HMBOX1: variants seen among roughly 807,000 people sequenced by gnomAD.
HMBOX1 encodes the protein homeobox containing 1.
Under a neutral mutation model 54.5 loss-of-function variants are expected in HMBOX1, and 14 were observed. That is an observed-to-expected ratio of 0.26 (90% CI 0.17 to 0.40). The LOEUF (loss-of-function observed/expected upper bound fraction) is 0.40. Ranked by LOEUF, HMBOX1 falls within the 10% of genes least tolerant of loss-of-function variation. HMBOX1 has a pLI of 1.00. For synonymous variants in HMBOX1, 160 were observed against 181.0 expected (o/e 0.88, Z 0.93); for missense variants, 332 against 514.4 (o/e 0.65, Z 3.43).
At chr8:28,918,658 A>G (rs890338740) in intron 1 of HMBOX1, among the ~76,000 whole-genome samples, 2 of 152,198 alleles carry the variant, frequency 1.3e-5, no homozygotes, top group South Asian at 2.1e-4. Context: ...TCAAAAAATC[A>G]TAACTCGTGA....
At chr8:28,900,115 A>G (rs6558084) in intron 1 of HMBOX1, among the ~76,000 whole-genome samples, 98,714 of 150,498 alleles carry the variant, frequency 0.66, 32,557 homozygotes, top group East Asian at 0.75. Flanking sequence ...GCTGGGCATC[A>G]TGGCGCGCCT....
chr8:29,030,446 C>T (rs911018839), intron 6 of HMBOX1, among the ~76,000 whole-genome samples: 3 of 152,056 alleles, frequency 2.0e-5, no homozygotes, highest in Non-Finnish European at 4.4e-5. Context: ...CTTGAACTCC[C>T]AACCTCAGGT....
chr8:29,010,265 A>G (rs1834052268), intron 5 of HMBOX1: 1 of 554,334 alleles, frequency 1.8e-6, no homozygotes, highest in African/African-American at 2.0e-5. Context: ...AGATATAATA[A>G]TTATTACCAT....
chr8:29,012,375 C>T (rs1834335683), intron 5 of HMBOX1, among the ~76,000 whole-genome samples: 1 of 152,130 alleles, frequency 6.6e-6, no homozygotes. Context: ...CAGTTGAGAA[C>T]TGGTTAAATA....
At chr8:29,041,181 T>TA (rs1255695843) in intron 6 of HMBOX1, among the ~76,000 whole-genome samples, 2 of 152,218 alleles carry the variant, frequency 1.3e-5, no homozygotes, top group African/African-American at 4.8e-5. Flanking sequence ...TCATTTTTTT[T>TA]AAAATTTTTT....
At chr8:29,004,568 AG>A (rs1281242880) in intron 4 of HMBOX1, among the ~76,000 whole-genome samples, 1 of 152,222 alleles carries the variant, frequency 6.6e-6, no homozygotes, top group African/African-American at 2.4e-5. Context: ...AATGTGAATG[AG>A]GCTGGAAAGG....
intron 4 of HMBOX1, among the ~76,000 whole-genome samples, chr8:28,999,304 A>T (rs1291053710): frequency 6.6e-6 from 1 of 152,074 alleles, no homozygotes; most frequent in Non-Finnish European, 1.5e-5. Flanking sequence ...TTCTCTCTTG[A>T]CACTTCAAGA....
chr8:28,981,119 A>G lies in HMBOX1; in HGVS notation c.586+963A>G, dbSNP rs1397680934. 2.0e-5 allele frequency among the ~76,000 whole-genome samples: 3 copies of G among 152,196 alleles called. 1 individual carries two copies. The highest frequency in any genetic ancestry group is 7.2e-5 in the African/African-American group (3 of 41,458). ...ACATACTGAAGCTAATTTACCTAAA[A>G]GGTTGTTACTGGCCATTAATTTGGT... On this transcript the variant is annotated intron_variant, in intron 4 of 9. Transcript: ENST00000287701.
At chr8:28,944,549 A>G (rs1356000230) in intron 1 of HMBOX1, among the ~76,000 whole-genome samples, 1 of 152,220 alleles carries the variant, frequency 6.6e-6, no homozygotes, top group African/African-American at 2.4e-5. Flanking sequence ...AACTTGAGCT[A>G]AAGTCTCCAA....
chr8:28,899,287 G>T (rs1812757640), intron 1 of HMBOX1, among the ~76,000 whole-genome samples: 1 of 152,134 alleles, frequency 6.6e-6, no homozygotes, highest in South Asian at 2.1e-4. Flanking sequence ...CCTCATTGCT[G>T]CTATCAAAGA....
At chr8:28,934,806 A>G (rs1399179109) in intron 1 of HMBOX1, among the ~76,000 whole-genome samples, 2 of 152,052 alleles carry the variant, frequency 1.3e-5, no homozygotes, top group African/African-American at 4.8e-5. Flanking sequence ...AGGCGCCTGT[A>G]GTCCCAGCTA....
intron 1 of HMBOX1, among the ~76,000 whole-genome samples, chr8:28,933,409 A>T (rs1819830047): frequency 6.6e-6 from 1 of 152,234 alleles, no homozygotes; most frequent in African/African-American, 2.4e-5. Flanking sequence ...GAAACTAGAT[A>T]AAAATGAGCA....
chr8:28,903,337 A>C lies in HMBOX1; in HGVS notation c.-58+12659A>C, dbSNP rs534282700. 1.3e-5 allele frequency among the ~76,000 whole-genome samples: 2 copies of C among 152,312 alleles called. 1 individual carries two copies. The highest frequency in any genetic ancestry group is 4.1e-4 in the South Asian group (2 of 4,824). On this transcript the variant is annotated intron_variant, in intron 1 of 9. Transcript: ENST00000287701. ...AATCCTCTTCACTCTTGATTTATCT[A>C]CCTTGGTGAGTAATTTTAGTAGGAA... is the stretch of plus-strand genomic sequence containing the variant.
At chr8:29,045,964 C>A (rs1276497666) in intron 7 of HMBOX1, among the ~76,000 whole-genome samples, 2 of 152,142 alleles carry the variant, frequency 1.3e-5, no homozygotes, top group Non-Finnish European at 2.9e-5. Flanking sequence ...ATTTTGAAGT[C>A]CTGTTGTTCC....
chr8:28,991,094 C>G (rs1420389129), intron 4 of HMBOX1, among the ~76,000 whole-genome samples: 1 of 152,114 alleles, frequency 6.6e-6, no homozygotes, highest in Non-Finnish European at 1.5e-5. Context: ...TCTTAAATGT[C>G]TTTGCAAATG....
intron 5 of HMBOX1, among the ~76,000 whole-genome samples, chr8:29,013,578 G>A (rs973782207): frequency 6.6e-6 from 1 of 152,192 alleles, no homozygotes; most frequent in African/African-American, 2.4e-5. Flanking sequence ...GATTGATATA[G>A]TGTAGTTCTC....
At chr8:29,032,221 A>T (rs1803093905) in intron 6 of HMBOX1, among the ~76,000 whole-genome samples, 1 of 151,944 alleles carries the variant, frequency 6.6e-6, no homozygotes, top group African/African-American at 2.4e-5. Context: ...TTTCTCCCAG[A>T]TATAAAACAG....
At chr8:29,025,157 TGATA>T (rs1274829370) in intron 6 of HMBOX1, among the ~76,000 whole-genome samples, 2 of 152,052 alleles carry the variant, frequency 1.3e-5, no homozygotes, top group Non-Finnish European at 2.9e-5. Flanking sequence ...GGATAAAAAG[TGATA>T]GATATCAGAA....
chr8:28,974,417 G>A (rs1226020354), intron 3 of HMBOX1, among the ~76,000 whole-genome samples: 3 of 152,058 alleles, frequency 2.0e-5, no homozygotes, highest in Non-Finnish European at 4.4e-5. Flanking sequence ...AGATACTAAT[G>A]TGTGTTTCAT....
Sources: allele counts gnomAD v4.1 joint callset (sites outside exome capture counted in the v4.1 genomes callset), GRCh38; gene constraint gnomAD v4.1.1; transcripts MANE v1.5; gene names NCBI Gene and HGNC (gene_info 2026-07-23, HGNC 2026-07-21).